Variants in CROCC2 observed in about 807,000 individuals in gnomAD.
CROCC2 encodes ciliary rootlet coiled-coil protein 2.
A neutral mutation model predicts 177.6 loss-of-function variants in CROCC2; 163 were observed. The ratio of observed to expected loss-of-function variants is 0.92; its 90% CI spans 0.81 to 1.05. The LOEUF is 1.05. Among genes scored for constraint, CROCC2 ranks in the 50% least tolerant of loss-of-function variants. The pLI, the probability that CROCC2 is intolerant of heterozygous loss-of-function variation, is 0.00. For synonymous variants in CROCC2, 904 were observed against 787.3 expected (o/e 1.15, Z -2.48); for missense variants, 1,929 against 1,797.8 (o/e 1.07, Z -1.32).
chr2:240,912,072 T>C (rs561180464), intron 1 of CROCC2, among the ~76,000 whole-genome samples: 87 of 152,326 alleles, frequency 5.7e-4, no homozygotes, highest in African/African-American at 2.0e-3. Flanking sequence ...TCATGCTGTC[T>C]TCCGTAGTAA....
At position 240,932,342 on chromosome 2, in the gene CROCC2, G is replaced by A. The variant is rs74000148; in HGVS notation, c.972G>A (p.Val324=). The change falls in exon 8 of 32, where the codon GTG becomes GTA. Residue 324 remains valine, a synonymous_variant. Transcript: ENST00000690015. ...QARLSEQTLL[V]EKLTEQNEQK... ...GACTCTCGGAGCAAACCCTGCTGGT[G>A]GAGAAGCTTACAGAGCAGAATGAGC... 4.5e-3 allele frequency: 3,248 copies of A among 717,010 alleles called. 63 individuals are homozygous for A. The African/African-American group carries it at 0.05, about 11-fold the overall frequency. The allele number at this position is 717,010 out of a possible 1,614,324, so 44.4% of individuals were successfully genotyped here.
intron 6 of CROCC2, among the ~76,000 whole-genome samples, chr2:240,930,726 A>G (rs529139384): frequency 1.3e-3 from 191 of 152,158 alleles, no homozygotes; most frequent in African/African-American, 4.5e-3. Flanking sequence ...TGAAGCCTGA[A>G]GTGTGCAACC....
chr2:240,915,108 G>A (rs1356272628), intron 1 of CROCC2, among the ~76,000 whole-genome samples: 1 of 152,228 alleles, frequency 6.6e-6, no homozygotes, highest in Admixed American at 6.5e-5. Flanking sequence ...CCCCAGTGGA[G>A]AGCTGGGGTC....
intron 17 of CROCC2, among the ~76,000 whole-genome samples, chr2:240,950,085 T>C (rs1413364697): frequency 6.6e-6 from 1 of 152,166 alleles, no homozygotes; most frequent in African/African-American, 2.4e-5. Context: ...GCAGGTGCAC[T>C]GCAGAGACTC....
At chr2:240,935,165 C>T (rs1336356270) in intron 13 of CROCC2, 103 bp downstream of exon 13, 2 of 1,286,976 alleles carry the variant, frequency 1.6e-6, no homozygotes, top group Non-Finnish European at 2.0e-6. Context: ...AGATCACTTC[C>T]TCTCCTGGTT....
In CROCC2 at chr2:240,959,424, C is replaced by A; in HGVS notation, c.3067C>A (p.Arg1023=). Residue 1023 remains arginine, a synonymous_variant, in exon 20 of 32, where the codon CGG becomes AGG. Transcript: ENST00000690015. ...RESLQDLAAE[R]GDVEREAERL... ...GAGCCTCCAGGACCTAGCGGCTGAG[C>A]GGGGCGATGTGGAGAGAGAGGTGAG... 6.5e-7 allele frequency: 1 copy of A among 1,550,272 alleles called. No homozygotes were observed. The highest frequency in any genetic ancestry group is 8.7e-7 in the Non-Finnish European group (1 of 1,146,832).
chr2:240,989,819 G>T lies in CROCC2; in HGVS notation c.4849G>T (p.Val1617Leu). ...QEWTHQQQVKVLEEQVASLKE... is the reference protein window; with the variant it reads ...QEWTHQQQVKLLEEQVASLKE... ...ATGGACCCACCAGCAGCAGGTAAAG[G>T]TGCTGGAAGAGCAGGTAAGGTCGGG... is the stretch of plus-strand genomic sequence containing the variant. The change falls in exon 30 of 32, where the codon GTG becomes TTG. Residue 1617 changes from valine (V) to leucine (L), a missense_variant. Coordinates refer to ENST00000690015, the MANE Select transcript of CROCC2 (RefSeq NM_001351305.2). 6.5e-7 allele frequency: 1 copy of T among 1,543,174 alleles called. No homozygotes were observed. Among genetic ancestry groups the T allele is most frequent in the Non-Finnish European group, 8.8e-7 (1 of 1,141,368 alleles).
rs1442104459 is a variant in CROCC2 at position 240,964,559 on chromosome 2, C to T, written c.3399C>T (p.Ala1133=). The part of the protein sequence containing the change: ...ALQQEASALR[A]HLWELEQAGG... ...AGCAGGAGGCCAGTGCACTGCGGGC[C>T]CACCTGTGGGAGCTGGAGCAGGCAG... Residue 1133 remains alanine (A), a synonymous_variant, in exon 22 of 32, where the codon GCC becomes GCT. Transcript: ENST00000690015. 1.3e-6 allele frequency: 2 copies of T among 1,549,562 alleles called. No homozygotes were observed. Among genetic ancestry groups the T allele is most frequent in the Admixed American group, 3.9e-5 (2 of 50,998 alleles).
chr2:240,911,346 G>A (rs531654411), intron 1 of CROCC2, among the ~76,000 whole-genome samples: 47 of 144,410 alleles, frequency 3.3e-4, no homozygotes, highest in African/African-American at 1.1e-3. Flanking sequence ...GCCCAGGCTG[G>A]AGTGCAGTGG....
At chr2:240,974,036 T>C (rs1257171560) in intron 27 of CROCC2, among the ~76,000 whole-genome samples, 1 of 152,238 alleles carries the variant, frequency 6.6e-6, no homozygotes. Context: ...GGAGTGTAAC[T>C]TATCTTACAC....
intron 4 of CROCC2, among the ~76,000 whole-genome samples, chr2:240,923,447 A>G (rs1243688425): frequency 8.1e-5 from 11 of 135,760 alleles, no homozygotes; most frequent in Admixed American, 7.4e-4. Flanking sequence ...GCCTGTACTA[A>G]CCCGGCCCCC....
chr2:240,918,229 C>T lies in CROCC2; in HGVS notation c.79-497C>T, dbSNP rs2059332614. Among the ~76,000 whole-genome samples the T allele has an allele frequency of 6.6e-6, 1 of 152,206 alleles. No individual in the cohort carries two copies. On this transcript the variant is annotated intron_variant, in intron 1 of 31. Transcript: ENST00000690015. The surrounding 1 kb of genome is among the most constrained non-coding windows in gnomAD (Gnocchi z 6.3). ...AGCCCTCTGACCCATCCTCAGCCCC[C>T]ACCCCCCAACAAACACACACAAACA... is the stretch of plus-strand genomic sequence containing the variant.
At chr2:240,921,204 G>C (rs2059355299) in intron 3 of CROCC2, among the ~76,000 whole-genome samples, 1 of 152,200 alleles carries the variant, frequency 6.6e-6, no homozygotes, top group African/African-American at 2.4e-5. Flanking sequence ...GATCATGGCA[G>C]CACCAGCCCC....
Position 240,950,407 on chromosome 2 carries a change from TG to T in CROCC2, c.2727del (p.Thr910GlnfsTer10). The T allele has an allele frequency of 6.5e-7, 1 of 1,550,282 alleles. No homozygotes were observed. The highest frequency in any genetic ancestry group is 8.7e-7 in the Non-Finnish European group (1 of 1,146,828). On this transcript the variant is annotated frameshift_variant, in exon 18 of 32. Coordinates refer to ENST00000690015, the MANE Select transcript of CROCC2 (RefSeq NM_001351305.2). LOFTEE classifies it high-confidence loss of function. ...RCQLEQEKEL[V>X]TKSAAEREAL... is the part of the protein sequence containing the mutation. ...CAGCTGGAGCAGGAGAAGGAGCTGG[TG>T]ACAAAAAGTGCAGCTGAGAGGGAGG...
intron 26 of CROCC2, 104 bp downstream of exon 26, chr2:240,967,569 C>A: frequency 6.7e-7 from 1 of 1,502,428 alleles, no homozygotes. Flanking sequence ...CCTGGGGCAG[C>A]TCGGTGGGAA....
At chr2:240,983,727 C>A (rs2106491189) in intron 28 of CROCC2, 1 of 810,770 alleles carries the variant, frequency 1.2e-6, no homozygotes, top group Non-Finnish European at 1.8e-6. Context: ...AGGACGCCCG[C>A]AGGTGGCCAC....
At chr2:240,971,053 C>T (rs970011878) in intron 27 of CROCC2, among the ~76,000 whole-genome samples, 5 of 152,136 alleles carry the variant, frequency 3.3e-5, no homozygotes, top group Admixed American at 1.3e-4. Context: ...TCTGTGCGGT[C>T]GGCCAAGGGC....
At chr2:240,955,489 T>G (rs4315517) in intron 18 of CROCC2, 129,135 of 195,042 alleles carry the variant, frequency 0.66, 43,887 homozygotes, top group African/African-American at 0.81. Context: ...CTGCACTGCA[T>G]CAAGTGTTGC....
intron 27 of CROCC2, among the ~76,000 whole-genome samples, chr2:240,971,435 C>T (rs1053169855): frequency 6.6e-6 from 1 of 152,170 alleles, no homozygotes; most frequent in Non-Finnish European, 1.5e-5. Context: ...CCTGGAGGGG[C>T]CTGGCTTTCA....
Sources: gnomAD v4.1 joint callset for allele counts (sites outside exome capture counted in the v4.1 genomes callset) on GRCh38, gnomAD v4.1.1 for gene constraint, Gnocchi (gnomAD v3.1) non-coding constraint, MANE v1.5 for transcripts, NCBI Gene and HGNC (gene_info 2026-07-23, HGNC 2026-07-21) for gene names.